CFAP47: variants seen among roughly 807,000 people sequenced by gnomAD.
The protein encoded by CFAP47 is cilia- and flagella-associated protein 47.
CFAP47 carries 29 observed loss-of-function variants against 148.1 expected under a neutral mutation model. That is an observed-to-expected ratio of 0.20 (90% CI 0.15 to 0.27). The LOEUF (loss-of-function observed/expected upper bound fraction) is 0.27. CFAP47 is among the 10% of genes least tolerant of loss of function. The pLI is 1.00. For synonymous variants in CFAP47, 664 were observed against 577.3 expected, an observed-to-expected ratio of 1.15 and a Z score of -2.15; for missense variants, 1,872 against 1,697.5, an observed-to-expected ratio of 1.10 and a Z score of -1.81.
intron 33 of CFAP47, among the ~76,000 whole-genome samples, chrX:36,126,420 A>G (rs749356975): frequency 8.9e-6 from 1 of 111,771 alleles, no homozygotes; most frequent in Admixed American, 9.5e-5. Context: ...TGCAAAGGAC[A>G]TGAACTCATC....
At chrX:36,254,667 T>C (rs1555998708) in intron 49 of CFAP47, among the ~76,000 whole-genome samples, 1 of 111,204 alleles carries the variant, frequency 9.0e-6, no homozygotes, top group African/African-American at 3.3e-5. Flanking sequence ...AGAATCACAC[T>C]AAGTAAATGG....
chrX:36,053,897 G>T (rs773559788), intron 26 of CFAP47, among the ~76,000 whole-genome samples: 3 of 112,246 alleles, frequency 2.7e-5, no homozygotes, highest in Non-Finnish European at 5.6e-5. Flanking sequence ...TAAAATTATA[G>T]TACTGTTAAC....
At chrX:36,117,758 A>G (rs1938666355) in intron 33 of CFAP47, among the ~76,000 whole-genome samples, 1 of 111,462 alleles carries the variant, frequency 9.0e-6, no homozygotes, top group Non-Finnish European at 1.9e-5. Context: ...ATATGATTCT[A>G]TTTGTCCATT....
At chrX:36,374,413 T>C (rs1449634172) in intron 62 of CFAP47, among the ~76,000 whole-genome samples, 1 of 111,485 alleles carries the variant, frequency 9.0e-6, no homozygotes, top group Non-Finnish European at 1.9e-5. Flanking sequence ...TTATTTGATT[T>C]ATTGGAGTAT....
intron 45 of CFAP47, among the ~76,000 whole-genome samples, chrX:36,218,658 G>A (rs1940183536): frequency 8.9e-6 from 1 of 112,021 alleles, no homozygotes; most frequent in Non-Finnish European, 1.9e-5. Flanking sequence ...GCCAATATGA[G>A]TGACCATAGA....
chrX:36,104,790 T>C, intron 33 of CFAP47, 99 bp downstream of exon 33: 1 of 338,896 alleles, frequency 3.0e-6, no homozygotes, highest in Non-Finnish European at 5.2e-6. Flanking sequence ...ATCCATGGAT[T>C]CTAGACCCCT....
intron 26 of CFAP47, among the ~76,000 whole-genome samples, chrX:36,065,000 A>G (rs1448937876): frequency 8.9e-6 from 1 of 112,111 alleles, no homozygotes; most frequent in East Asian, 2.8e-4. Context: ...TTAAAGAAGG[A>G]CAAACAGAAA....
chrX:36,068,016 A>C (rs900245621), intron 27 of CFAP47, among the ~76,000 whole-genome samples: 11 of 111,734 alleles, frequency 9.8e-5, no homozygotes, highest in Non-Finnish European at 1.7e-4. Flanking sequence ...CTTTCCATAG[A>C]ATATCATTGC....
intron 32 of CFAP47, among the ~76,000 whole-genome samples, chrX:36,103,576 A>G (rs1260956095): frequency 9.5e-6 from 1 of 104,797 alleles, no homozygotes; most frequent in African/African-American, 3.5e-5. Context: ...AGCAAGCTTC[A>G]GAATGTAAAG....
rs1196038760 is a variant in CFAP47, at chrX:36,337,856, C to CTTT, written c.8444-10250_8444-10248dup. On this transcript the variant is annotated intron_variant, in intron 57 of 63. Coordinates refer to ENST00000378653, the MANE Select transcript of CFAP47 (RefSeq NM_001304548.2). ...ATTTTCTCCTCTGTTTTCCATAATC[C>CTTT]TTTTTTTTTTTTTTTTTTTTTTTTT... Among the ~76,000 whole-genome samples, 212 of 58,288 alleles carry CTTT rather than the reference C, an allele frequency of 3.6e-3. 5 individuals carry two copies. The highest frequency in any genetic ancestry group is 6.1e-3 in the South Asian group (6 of 978). 50.6% of individuals were successfully genotyped at this position (58,288 alleles called of 115,157 possible).
intron 36 of CFAP47, among the ~76,000 whole-genome samples, chrX:36,147,641 TTAAG>T (rs200218187): frequency 0.043 from 4,874 of 112,483 alleles, 274 homozygotes; most frequent in African/African-American, 0.15. Flanking sequence ...ATTGATGTCT[TTAAG>T]TATTTGAGAA....
chrX:36,321,726 A>G (rs1556012035), intron 57 of CFAP47, among the ~76,000 whole-genome samples: 1 of 111,990 alleles, frequency 8.9e-6, no homozygotes, highest in East Asian at 2.8e-4. Flanking sequence ...ATGAATAAAT[A>G]TACTTGATGT....
intron 46 of CFAP47, among the ~76,000 whole-genome samples, chrX:36,233,405 A>C (rs1940399833): frequency 9.0e-6 from 1 of 110,785 alleles, no homozygotes; most frequent in Admixed American, 9.6e-5. Context: ...TGTTGGTTTA[A>C]AGTCTGTTTT....
chrX:36,050,556 G>A (rs1028226009), intron 26 of CFAP47, among the ~76,000 whole-genome samples: 18 of 111,414 alleles, frequency 1.6e-4, no homozygotes, highest in Admixed American at 4.8e-4. Context: ...ACGATTTAGG[G>A]TATCTGGCAG....
chrX:35,938,284 T>C (rs1935947732), intron 2 of CFAP47, among the ~76,000 whole-genome samples: 1 of 110,884 alleles, frequency 9.0e-6, no homozygotes, highest in South Asian at 3.8e-4. Flanking sequence ...TTTTTCATGA[T>C]CACCAGGAAT....
At chrX:36,248,303 TTAACA>T (rs1377588845) in intron 48 of CFAP47, among the ~76,000 whole-genome samples, 1 of 105,085 alleles carries the variant, frequency 9.5e-6, no homozygotes, top group Non-Finnish European at 1.9e-5. Flanking sequence ...TTATGTAGTA[TTAACA>T]TAAAATATTT....
intron 1 of CFAP47, among the ~76,000 whole-genome samples, chrX:35,925,536 A>T (rs67846964): frequency 0.077 from 8,618 of 112,128 alleles, 827 homozygotes; most frequent in African/African-American, 0.27. Context: ...GTCAACGAAT[A>T]TATACAATTA....
intron 18 of CFAP47, 116 bp from the exon 19 acceptor site, chrX:35,997,196 T>A (rs1205640428): frequency 7.8e-6 from 2 of 256,073 alleles, no homozygotes; most frequent in African/African-American, 2.8e-5. Context: ...TGTGCATTTA[T>A]AATATGTTAC....
chrX:36,363,267 G>C (rs1941844094), intron 61 of CFAP47, among the ~76,000 whole-genome samples: 2 of 111,254 alleles, frequency 1.8e-5, no homozygotes. Context: ...GCATCCTTAG[G>C]TGATTCCATC....
Sources: allele counts gnomAD v4.1 joint callset (sites outside exome capture counted in the v4.1 genomes callset), GRCh38; gene constraint gnomAD v4.1.1; transcripts MANE v1.5; gene names NCBI Gene and HGNC (gene_info 2026-07-23, HGNC 2026-07-21).